Variants in OPCML observed in about 807,000 individuals in gnomAD.
OPCML encodes opioid-binding protein/cell adhesion molecule.
A neutral mutation model predicts 37.8 loss-of-function variants in OPCML; 13 were observed. The ratio of observed to expected loss-of-function variants is 0.34; its 90% CI spans 0.22 to 0.55. The LOEUF is 0.55. Ranked by LOEUF, OPCML falls within the 20% of genes least tolerant of loss-of-function variation. OPCML has a pLI of 0.91. For missense variants in OPCML, 341 were observed against 435.6 expected (o/e 0.78, Z 1.93); for synonymous variants, 176 against 168.8 (o/e 1.04, Z -0.33).
intron 1 of OPCML, among the ~76,000 whole-genome samples, chr11:133,237,347 A>C (rs1256288948): frequency 6.6e-6 from 1 of 152,182 alleles, no homozygotes; most frequent in Non-Finnish European, 1.5e-5. Context: ...TCTGTGGACA[A>C]AGCAAGGGTT....
chr11:133,495,864 G>A (rs1947775105), intron 1 of OPCML, among the ~76,000 whole-genome samples: 1 of 152,016 alleles, frequency 6.6e-6, no homozygotes, highest in Admixed American at 6.6e-5. Context: ...TGTTAACTCT[G>A]CTGACTGTTC....
chr11:132,788,149 G>C (rs1412003976), intron 2 of OPCML, among the ~76,000 whole-genome samples: 2 of 152,204 alleles, frequency 1.3e-5, no homozygotes, highest in Non-Finnish European at 2.9e-5. Flanking sequence ...AAAGTGCTGG[G>C]ATTGCAGGCG....
intron 1 of OPCML, among the ~76,000 whole-genome samples, chr11:133,531,349 C>G (rs902530662): frequency 1.3e-5 from 2 of 152,126 alleles, no homozygotes; most frequent in African/African-American, 4.8e-5. Flanking sequence ...TTTGTTTTCC[C>G]CAAACAAATA....
At chr11:132,863,106 C>T (rs1266654464) in intron 2 of OPCML, among the ~76,000 whole-genome samples, 3 of 152,114 alleles carry the variant, frequency 2.0e-5, no homozygotes, top group African/African-American at 7.2e-5. Flanking sequence ...ATGTATCAGA[C>T]CCTTCCTGCC....
intron 2 of OPCML, among the ~76,000 whole-genome samples, chr11:132,936,328 C>A (rs768212244): frequency 3.3e-5 from 5 of 152,152 alleles, no homozygotes; most frequent in Middle Eastern, 3.2e-3. Context: ...CTTCTAGGAG[C>A]AAATGCAGAC....
intron 2 of OPCML, among the ~76,000 whole-genome samples, chr11:132,705,336 A>G (rs545769005): frequency 1.3e-4 from 20 of 152,076 alleles, no homozygotes; most frequent in Non-Finnish European, 2.9e-4. Flanking sequence ...CATGCCTGTC[A>G]TCTGGGCACT....
chr11:133,149,593 A>T (rs982762563), intron 1 of OPCML, among the ~76,000 whole-genome samples: 7 of 152,216 alleles, frequency 4.6e-5, no homozygotes, highest in African/African-American at 1.7e-4. Context: ...CGCACGCTTG[A>T]TGTTGCCAGA....
At chr11:133,200,478 C>A (rs1000718892) in intron 1 of OPCML, among the ~76,000 whole-genome samples, 1 of 152,102 alleles carries the variant, frequency 6.6e-6, no homozygotes, top group African/African-American at 2.4e-5. Context: ...CAATCTCATT[C>A]TTTTAGAGGT....
intron 4 of OPCML, among the ~76,000 whole-genome samples, chr11:132,519,347 G>A (rs1565632007): frequency 6.6e-6 from 1 of 151,856 alleles, no homozygotes; most frequent in African/African-American, 2.4e-5. Flanking sequence ...TTTGGGTCAG[G>A]GCCATCAGCT....
In OPCML at chr11:133,396,997, C is replaced by T. The variant is rs183195729; in HGVS notation, c.61+135267G>A. ...TCTTGAAGGCAGAAAATGAGTGTGA[C>T]CCATGTTCATCACTCCTCAACAACG... On this transcript the variant is annotated intron_variant, in intron 1 of 7. Transcript: ENST00000524381. Among the ~76,000 whole-genome samples the T allele has an allele frequency of 1.5e-3, 226 of 152,290 alleles. 1 individual carries two copies. The highest frequency in any genetic ancestry group is 5.4e-3 in the African/African-American group (223 of 41,546).
intron 1 of OPCML, among the ~76,000 whole-genome samples, chr11:132,957,436 T>A (rs1435330133): frequency 6.6e-6 from 1 of 151,908 alleles, no homozygotes; most frequent in Non-Finnish European, 1.5e-5. Context: ...CAAGGGGAGA[T>A]TTTACAGAGA....
intron 1 of OPCML, among the ~76,000 whole-genome samples, chr11:133,337,562 T>G (rs189497522): frequency 6.6e-6 from 1 of 152,324 alleles, no homozygotes; most frequent in Non-Finnish European, 1.5e-5. Context: ...TGCCTTTACC[T>G]GCTGCTGTGG....
At chr11:132,688,102 AG>A (rs1428837112) in intron 2 of OPCML, among the ~76,000 whole-genome samples, 1 of 152,100 alleles carries the variant, frequency 6.6e-6, no homozygotes, top group Non-Finnish European at 1.5e-5. Context: ...TTCCTGCAAA[AG>A]CCCTTTTTGG....
At chr11:132,520,905 C>T (rs2096291684) in intron 4 of OPCML, among the ~76,000 whole-genome samples, 1 of 152,014 alleles carries the variant, frequency 6.6e-6, no homozygotes, top group South Asian at 2.1e-4. Context: ...TACCATTACC[C>T]AGTAATGAGA....
intron 2 of OPCML, among the ~76,000 whole-genome samples, chr11:132,723,606 A>G (rs1944759130): frequency 6.6e-6 from 1 of 152,168 alleles, no homozygotes; most frequent in East Asian, 1.9e-4. Context: ...ATTTTTACCT[A>G]TATTTCATCC....
intron 1 of OPCML, among the ~76,000 whole-genome samples, chr11:133,276,221 T>C (rs919007591): frequency 7.9e-5 from 12 of 152,158 alleles, no homozygotes; most frequent in African/African-American, 2.9e-4. Flanking sequence ...CTTTCTTCTT[T>C]ATAAAGAAAA....
intron 3 of OPCML, among the ~76,000 whole-genome samples, chr11:132,601,678 C>T (rs1169560989): frequency 6.6e-6 from 1 of 152,190 alleles, no homozygotes; most frequent in Non-Finnish European, 1.5e-5. Flanking sequence ...CTGATTCCAG[C>T]AGCTAGGTAT....
chr11:133,176,131 C>G (rs1417991600), intron 1 of OPCML, among the ~76,000 whole-genome samples: 1 of 152,142 alleles, frequency 6.6e-6, no homozygotes, highest in Non-Finnish European at 1.5e-5. Context: ...TGGGTAAACA[C>G]TGAGTTTCAT....
intron 1 of OPCML, among the ~76,000 whole-genome samples, chr11:133,416,361 T>A (rs1945765525): frequency 6.6e-6 from 1 of 152,174 alleles, no homozygotes; most frequent in African/African-American, 2.4e-5. Context: ...TCTGTATAAC[T>A]TCCCTTTTCT....
Sources: allele counts gnomAD v4.1 joint callset (sites outside exome capture counted in the v4.1 genomes callset), GRCh38; gene constraint gnomAD v4.1.1; transcripts MANE v1.5; gene names NCBI Gene and HGNC (gene_info 2026-07-23, HGNC 2026-07-21).